ANKRD36: variants seen among roughly 807,000 people sequenced by gnomAD.
ANKRD36 encodes ankyrin repeat domain 36, also known as ankyrin repeat domain-containing protein 36A.
Under a neutral mutation model 278.1 loss-of-function variants are expected in ANKRD36, and 179 were observed. The ratio of observed to expected loss-of-function variants is 0.64; its 90% CI spans 0.57 to 0.73. The LOEUF is 0.73. Ranked by LOEUF, ANKRD36 falls within the 30% of genes least tolerant of loss-of-function variation. The pLI, the probability that ANKRD36 is intolerant of heterozygous loss-of-function variation, is 0.00. For missense variants in ANKRD36, 1,159 were observed against 1,956.7 expected (o/e 0.59, Z 7.69); for synonymous variants, 320 against 641.1 (o/e 0.50, Z 7.57).
At position 97,149,406 on chromosome 2, in the gene ANKRD36, A is replaced by T. The variant is rs1017507055; in HGVS notation, c.1101+45A>T. The T allele has an allele frequency of 9.1e-6, 13 of 1,422,786 alleles. 1 individual carries two copies. Among genetic ancestry groups the T allele is most frequent in the African/African-American group, 2.9e-5 (2 of 68,938 alleles). The allele number at this position is 1,422,786 out of a possible 1,614,324, so 88.1% of individuals were successfully genotyped here. ...AATTAATTTTCTCCCTCTGAATCTC[A>T]TTTTTTATATTATTTTCTTCTAAAA... On this transcript the variant is annotated intron_variant, in intron 12 of 75. Coordinates refer to ENST00000420699, the MANE Select transcript of ANKRD36 (RefSeq NM_001354587.1).
In ANKRD36 at chr2:97,180,286, T is replaced by C. The variant is rs1226029237; in HGVS notation, c.1735+353T>C. ...GAAGTAATAGATATTATAGGCATCG[T>C]ATCATATTGTTATCAACAGAGGGAA... On this transcript the variant is annotated intron_variant, in intron 24 of 75. Coordinates refer to ENST00000420699, the MANE Select transcript of ANKRD36 (RefSeq NM_001354587.1). Among the ~76,000 whole-genome samples, 3 of 151,624 alleles carry C rather than the reference T, an allele frequency of 2.0e-5. No homozygotes were observed. The East Asian group carries it at 5.8e-4, about 29-fold the overall frequency.
intron 20 of ANKRD36, among the ~76,000 whole-genome samples, chr2:97,167,328 T>C (rs2051037947): frequency 6.6e-6 from 1 of 152,214 alleles, no homozygotes; most frequent in African/African-American, 2.4e-5. Flanking sequence ...TATTATAGTA[T>C]AAATGGTTCT....
At chr2:97,143,905 A>G (rs540981704) in intron 8 of ANKRD36, among the ~76,000 whole-genome samples, 1 of 152,218 alleles carries the variant, frequency 6.6e-6, no homozygotes, top group East Asian at 1.9e-4. Flanking sequence ...AGGATCCAAG[A>G]AATGTAGGCA....
chr2:97,200,589 A>C, intron 46 of ANKRD36, 64 bp downstream of exon 46: 2 of 1,533,234 alleles, frequency 1.3e-6, no homozygotes, highest in South Asian at 2.4e-5. Context: ...TTCCCCGAAT[A>C]AATCAGTCGG....
chr2:97,170,981 C>G (rs1380358975), intron 22 of ANKRD36, among the ~76,000 whole-genome samples: 1 of 151,438 alleles, frequency 6.6e-6, no homozygotes, highest in African/African-American at 2.4e-5. Context: ...CAGAGAAATG[C>G]AAATCAAAAC....
At chr2:97,221,042 C>T (rs1476938832) in intron 66 of ANKRD36, among the ~76,000 whole-genome samples, 40 of 118,686 alleles carry the variant, frequency 3.4e-4, no homozygotes, top group Non-Finnish European at 5.3e-4. Context: ...GTTTTTTGTT[C>T]TTGCGATAGT....
intron 68 of ANKRD36, among the ~76,000 whole-genome samples, chr2:97,237,191 A>T (rs1191360446): frequency 3.3e-5 from 5 of 151,470 alleles, no homozygotes; most frequent in Non-Finnish European, 7.4e-5. Context: ...GACCAGTTTT[A>T]TGTTCCTGTC....
chr2:97,155,661 C>T (rs559371130), intron 15 of ANKRD36, among the ~76,000 whole-genome samples: 4 of 145,628 alleles, frequency 2.7e-5, no homozygotes, highest in South Asian at 4.3e-4. Context: ...ATGGTTTCTG[C>T]GTTGTAATTA....
intron 50 of ANKRD36, among the ~76,000 whole-genome samples, chr2:97,205,187 G>A (rs1208069805): frequency 1.3e-5 from 2 of 151,660 alleles, no homozygotes; most frequent in Non-Finnish European, 3.0e-5. Flanking sequence ...ACTTATTATT[G>A]TCTAATGGTT....
At chr2:97,164,604 A>T in intron 20 of ANKRD36, 135 bp downstream of exon 20, 1 of 994,954 alleles carries the variant, frequency 1.0e-6, no homozygotes, top group South Asian at 1.7e-5. Context: ...GTTCTTGTTA[A>T]TATCTTTGTT....
At chr2:97,160,582 C>A (rs2048621202) in intron 17 of ANKRD36, among the ~76,000 whole-genome samples, 2 of 152,192 alleles carry the variant, frequency 1.3e-5, no homozygotes, top group Admixed American at 6.6e-5. Context: ...ACATGTAAAT[C>A]TTCAGCTTGC....
chr2:97,228,343 C>G (rs1172933276), intron 67 of ANKRD36, among the ~76,000 whole-genome samples: 1 of 152,072 alleles, frequency 6.6e-6, no homozygotes, highest in Non-Finnish European at 1.5e-5. Flanking sequence ...AGAGATTCAA[C>G]TTCTTCCTGG....
intron 67 of ANKRD36, among the ~76,000 whole-genome samples, chr2:97,230,168 A>C (rs1275114757): frequency 2.0e-5 from 3 of 152,062 alleles, no homozygotes; most frequent in Non-Finnish European, 4.4e-5. Flanking sequence ...GTATTTCTTG[A>C]ATCTGAATGT....
chr2:97,179,317 C>T (rs545504201), intron 22 of ANKRD36, among the ~76,000 whole-genome samples: 1 of 151,692 alleles, frequency 6.6e-6, no homozygotes, highest in East Asian at 1.9e-4. Flanking sequence ...TGAATGTTTG[C>T]AGTAAAATGT....
intron 6 of ANKRD36, among the ~76,000 whole-genome samples, chr2:97,127,655 C>G (rs1213721192): frequency 6.6e-6 from 1 of 151,872 alleles, no homozygotes; most frequent in Non-Finnish European, 1.5e-5. Flanking sequence ...AGAAAGAAAG[C>G]TTTTGCAGTA....
At chr2:97,193,501 G>A (rs1558643746) in intron 38 of ANKRD36, among the ~76,000 whole-genome samples, 1 of 123,048 alleles carries the variant, frequency 8.1e-6, no homozygotes, top group Non-Finnish European at 1.9e-5. Context: ...ATTTTCCTAA[G>A]GAAGACGGAT....
intron 75 of ANKRD36, among the ~76,000 whole-genome samples, chr2:97,250,427 C>T (rs1296977677): frequency 7.8e-5 from 11 of 140,362 alleles, no homozygotes; most frequent in Admixed American, 7.9e-5. Context: ...TTTTCTGGCC[C>T]TACACTTTTC....
chr2:97,198,865 T>C (rs1304334452), intron 44 of ANKRD36, among the ~76,000 whole-genome samples: 8 of 151,740 alleles, frequency 5.3e-5, no homozygotes, highest in African/African-American at 1.7e-4. Context: ...CTTCCCCACA[T>C]TGAAATTGGG....
In ANKRD36 at chr2:97,204,267, A is replaced by G. The variant is rs774361602; in HGVS notation, c.3061+4A>G. On this transcript the variant is annotated splice_donor_region_variant and intron_variant, in intron 50 of 75. Coordinates refer to ENST00000420699, the MANE Select transcript of ANKRD36 (RefSeq NM_001354587.1). ...GATGGAGAAAAAACTAGGACAGGTA[A>G]TTTTGAAAAGAGATTTAATGTCATG... is the stretch of plus-strand genomic sequence containing the variant. 6.4e-7 allele frequency: 1 copy of G among 1,559,824 alleles called. No individual in the cohort carries two copies. The highest frequency in any genetic ancestry group is 1.2e-5 in the South Asian group (1 of 84,268).
Sources: gnomAD v4.1 joint callset for allele counts (sites outside exome capture counted in the v4.1 genomes callset) on GRCh38, gnomAD v4.1.1 for gene constraint, MANE v1.5 for transcripts, NCBI Gene and HGNC (gene_info 2026-07-23, HGNC 2026-07-21) for gene names.